Variants in TG observed in about 807,000 individuals in gnomAD.
The protein encoded by TG is thyroglobulin.
Under a neutral mutation model 324.7 loss-of-function variants are expected in TG, and 270 were observed. The ratio of observed to expected loss-of-function variants is 0.83; its 90% CI spans 0.75 to 0.92. The LOEUF (loss-of-function observed/expected upper bound fraction) is 0.92. TG is among the 40% of genes least tolerant of loss of function. The probability of loss-of-function intolerance (pLI) is 0.00; values close to 1 mark genes in which losing one functional copy is unlikely to be tolerated. For missense variants in TG, 3,591 were observed against 3,456.4 expected, an observed-to-expected ratio of 1.04 and a Z score of -0.98; for synonymous variants, 1,401 against 1,327.0, an observed-to-expected ratio of 1.06 and a Z score of -1.21.
chr8:132,952,363 C>T (rs1826230947), intron 27 of TG, among the ~76,000 whole-genome samples: 1 of 152,202 alleles, frequency 6.6e-6, no homozygotes, highest in Non-Finnish European at 1.5e-5. Flanking sequence ...TTATTCAAGA[C>T]ATTTGACCAC....
chr8:132,882,674 A>C, intron 7 of TG, 62 bp downstream of exon 7: 1 of 1,613,854 alleles, frequency 6.2e-7, no homozygotes, highest in Non-Finnish European at 8.5e-7. Context: ...TTGGGTTTCA[A>C]AGTTGCTATG....
intron 35 of TG, among the ~76,000 whole-genome samples, chr8:133,008,506 GA>G (rs34389272): frequency 4.7e-4 from 70 of 147,916 alleles, no homozygotes; most frequent in South Asian, 3.2e-3. Flanking sequence ...ATAGAAAAAT[GA>G]AAAAAAAACA....
intron 35 of TG, chr8:133,003,387 A>G (rs947879306): frequency 1.3e-5 from 2 of 152,172 alleles, no homozygotes; most frequent in Admixed American, 1.3e-4. Flanking sequence ...AATCAAATGA[A>G]CACAGCCATC....
At chr8:132,943,625 A>G (rs1824795166) in intron 26 of TG, among the ~76,000 whole-genome samples, 1 of 151,876 alleles carries the variant, frequency 6.6e-6, no homozygotes, top group South Asian at 2.1e-4. Context: ...TTAAAATCCA[A>G]CATGTGCATG....
chr8:132,900,530 T>A (rs985243433), intron 15 of TG, among the ~76,000 whole-genome samples, 191 bp downstream of exon 15: 3 of 152,240 alleles, frequency 2.0e-5, no homozygotes, highest in African/African-American at 7.2e-5. Context: ...CTGCAGTTTC[T>A]TGGGAGAAGC....
chr8:133,123,871 A>G (rs1325365216), intron 45 of TG, among the ~76,000 whole-genome samples: 1 of 152,240 alleles, frequency 6.6e-6, no homozygotes, highest in Non-Finnish European at 1.5e-5. Context: ...TGGAGCTAGT[A>G]ATAGCACTTA....
At chr8:132,868,022 AC>A in intron 1 of TG, 92 bp from the exon 2 acceptor site, 1 of 1,127,186 alleles carries the variant, frequency 8.9e-7, no homozygotes. Flanking sequence ...AATGATGATG[AC>A]CCTGGAAAAG....
At chr8:133,091,370 G>A (rs972531292) in intron 41 of TG, among the ~76,000 whole-genome samples, 10 of 152,210 alleles carry the variant, frequency 6.6e-5, no homozygotes, top group African/African-American at 1.4e-4. Flanking sequence ...AGGCGTGCCA[G>A]GAGGGAGGCG....
intron 43 of TG, among the ~76,000 whole-genome samples, chr8:133,096,710 G>A (rs895493679): frequency 1.3e-5 from 2 of 152,202 alleles, no homozygotes; most frequent in Non-Finnish European, 2.9e-5. Flanking sequence ...GTTGTACTGA[G>A]AACTGAGAGA....
rs142335537 is a variant in TG, at chr8:132,906,700, C to A, written c.3647C>A (p.Pro1216Gln). ...GQPACESPRCPLPFNASEVVG... is the reference protein window; with the variant it reads ...GQPACESPRCQLPFNASEVVG... ...TTCCTTCTCCCAGGCCCGCGGTGTCCGCTGCCATTCAACGCGTCGGAGGTG... is the reference window on the plus strand; with the variant it reads ...TTCCTTCTCCCAGGCCCGCGGTGTCAGCTGCCATTCAACGCGTCGGAGGTG... The change falls in exon 17 of 48, where the codon CCG (proline) becomes CAG (glutamine). Residue 1216 changes from proline to glutamine, a missense_variant. By Grantham distance (76) the Pro-to-Gln change is moderately conservative. Coordinates refer to ENST00000220616, the MANE Select transcript of TG (RefSeq NM_003235.5). The A allele has an allele frequency of 1.2e-6, 2 of 1,614,114 alleles. No homozygotes were observed. Among genetic ancestry groups the A allele is most frequent in the Non-Finnish European group, 1.7e-6 (2 of 1,180,032 alleles).
At position 132,887,371 on chromosome 8, in the gene TG, G is replaced by T; in HGVS notation, c.1999G>T (p.Ala667Ser). ...RCPTDCEKQR[A>S]RMQSLMGSQP... The stretch of plus-strand genomic sequence containing the variant: ...CCCCACAGACTGTGAAAAGCAAAGG[G>T]CTCGCATGCAAAGCCTCATGGGCAG... Residue 667 changes from alanine to serine, a missense_variant, in exon 9 of 48, where the codon GCT becomes TCT. Physicochemically the swap from Ala to Ser is moderately conservative, Grantham distance 99. Coordinates refer to ENST00000220616, the MANE Select transcript of TG (RefSeq NM_003235.5). 1 of 1,614,120 alleles carries T rather than the reference G, an allele frequency of 6.2e-7. No homozygotes were observed. The highest frequency in any genetic ancestry group is 8.5e-7 in the Non-Finnish European group (1 of 1,179,996).
intron 42 of TG, among the ~76,000 whole-genome samples, chr8:133,095,680 T>G (rs962139924): frequency 6.6e-6 from 1 of 152,242 alleles, no homozygotes; most frequent in East Asian, 1.9e-4. Flanking sequence ...CATGCAAAGT[T>G]CTTGCTTGCA....
At chr8:133,030,538 C>T (rs903745279) in intron 41 of TG, among the ~76,000 whole-genome samples, 1 of 152,218 alleles carries the variant, frequency 6.6e-6, no homozygotes, top group African/African-American at 2.4e-5. Context: ...CTGGTATTTA[C>T]TGATCTGTCA....
intron 41 of TG, among the ~76,000 whole-genome samples, chr8:133,061,724 A>T (rs1323702494): frequency 6.6e-6 from 1 of 152,194 alleles, no homozygotes; most frequent in East Asian, 1.9e-4. Flanking sequence ...ATCAAACCTT[A>T]TGAAGGGCAC....
At chr8:133,016,679 C>T (rs1021038218) in intron 37 of TG, among the ~76,000 whole-genome samples, 1 of 152,230 alleles carries the variant, frequency 6.6e-6, no homozygotes, top group Non-Finnish European at 1.5e-5. Flanking sequence ...AGACTTCTCA[C>T]ACACACTTGA....
Position 132,887,291 on chromosome 8 carries a change from A to C in TG, c.1919A>C (p.Asn640Thr), listed in dbSNP as rs755826566. ...QCFSGECWCV[N>T]SWGKELPGSR... is the part of the protein sequence containing the mutation. ...TTTTCCGGAGAGTGCTGGTGTGTGA[A>C]TTCCTGGGGCAAAGAGCTTCCAGGC... is the stretch of plus-strand genomic sequence containing the variant. The change falls in exon 9 of 48, where the codon AAT becomes ACT. Residue 640 changes from asparagine (N) to threonine (T), a missense_variant. Asn to Thr is a moderately conservative substitution (Grantham distance 65, BLOSUM62 0). Transcript: ENST00000220616. 10 of 1,604,194 alleles carry C rather than the reference A, an allele frequency of 6.2e-6. No homozygotes were observed. The highest frequency in any genetic ancestry group is 6.8e-6 in the Non-Finnish European group (8 of 1,173,544).
Position 132,972,596 on chromosome 8 carries a change from A to G in TG, c.6056-2A>G. 1 of 1,454,026 alleles carries G rather than the reference A, an allele frequency of 6.9e-7. No homozygotes were observed. Among genetic ancestry groups the G allele is most frequent in the Non-Finnish European group, 9.4e-7 (1 of 1,064,540 alleles). 90.1% of individuals were successfully genotyped at this position (1,454,026 alleles called of 1,614,324 possible). On this transcript the variant is annotated splice_acceptor_variant, in intron 33 of 47. Coordinates refer to ENST00000220616, the MANE Select transcript of TG (RefSeq NM_003235.5). LOFTEE classifies it high-confidence loss of function. Reference sequence around the variant, plus strand: ...TTTTTGTTTTTTTTTTTTCCACCCCAGGAGGAGAGGTGACATGTCTCACTC... The same window carrying G: ...TTTTTGTTTTTTTTTTTTCCACCCCGGGAGGAGAGGTGACATGTCTCACTC...
chr8:133,010,875 G>A (rs1457554004), intron 35 of TG, among the ~76,000 whole-genome samples: 1 of 152,204 alleles, frequency 6.6e-6, no homozygotes, highest in Non-Finnish European at 1.5e-5. Flanking sequence ...TAGGGAGGCA[G>A]CACCAGAGAG....
intron 27 of TG, among the ~76,000 whole-genome samples, chr8:132,957,457 G>A (rs760352583): frequency 6.6e-6 from 1 of 152,054 alleles, no homozygotes. Context: ...GTGCACCTGC[G>A]GGAAGCACCC....
Sources: allele counts gnomAD v4.1 joint callset (sites outside exome capture counted in the v4.1 genomes callset), GRCh38; gene constraint gnomAD v4.1.1; transcripts MANE v1.5; gene names NCBI Gene and HGNC (gene_info 2026-07-23, HGNC 2026-07-21).